The following PIGB variants were observed in gnomAD, a reference collection of about 807,000 sequenced individuals.
The protein encoded by PIGB is phosphatidylinositol glycan anchor biosynthesis class B.
A neutral mutation model predicts 68.4 loss-of-function variants in PIGB; 58 were observed. That is an observed-to-expected ratio of 0.85 (90% CI 0.69 to 1.06). PIGB has a LOEUF of 1.06. Ranked by LOEUF, PIGB falls within the 50% of genes least tolerant of loss-of-function variation. The pLI is 0.00. For synonymous variants in PIGB, 219 were observed against 220.5 expected, an observed-to-expected ratio of 0.99 and a Z score of 0.06; for missense variants, 634 against 655.8, an observed-to-expected ratio of 0.97 and a Z score of 0.36.
At chr15:55,350,268 A>G (rs1220817796) in intron 9 of PIGB, 3 of 162,390 alleles carry the variant, frequency 1.8e-5, no homozygotes, top group African/African-American at 7.2e-5. Flanking sequence ...ACACTAAAAT[A>G]CCAATTATTA....
Position 55,327,540 on chromosome 15 carries a change from C to G in PIGB, c.427C>G (p.Pro143Ala). The G allele has an allele frequency of 6.2e-7, 1 of 1,603,870 alleles. No homozygotes were observed. The highest frequency in any genetic ancestry group is 8.5e-7 in the Non-Finnish European group (1 of 1,173,854). Residue 143 changes from proline to alanine, a missense_variant, in exon 4 of 12, where the codon CCT becomes GCT. Transcript: ENST00000164305. ...TTTTTAACTGATGAAGATTTGGATT[C>G]CTAGACTTGCCCAAGCACTTCTGTC... ...KDSVQLLIWI[P>A]RLAQALLSAV...
intron 6 of PIGB, among the ~76,000 whole-genome samples, chr15:55,336,074 C>T (rs1439050785): frequency 6.6e-6 from 1 of 152,168 alleles, no homozygotes; most frequent in Non-Finnish European, 1.5e-5. Context: ...CTCCTTGACT[C>T]AGGGTTACAT....
intron 10 of PIGB, among the ~76,000 whole-genome samples, chr15:55,352,613 CCT>C (rs1475254538): frequency 2.0e-5 from 3 of 152,086 alleles, no homozygotes; most frequent in Non-Finnish European, 2.9e-5. Context: ...ATGGTGAACC[CCT>C]GACTCTACTA....
intron 6 of PIGB, among the ~76,000 whole-genome samples, chr15:55,334,685 C>T (rs1364844825): frequency 3.9e-5 from 6 of 152,076 alleles, no homozygotes; most frequent in African/African-American, 9.7e-5. Flanking sequence ...ATTATATTAC[C>T]GTATTTTAGT....
chr15:55,330,658 G>A (rs1415507295), intron 5 of PIGB, among the ~76,000 whole-genome samples: 1 of 152,190 alleles, frequency 6.6e-6, no homozygotes, highest in Non-Finnish European at 1.5e-5. Context: ...GTAGGTAATA[G>A]GGAACCATTT....
rs377161481 is a variant in PIGB, at chr15:55,354,839, C to G, written c.1379C>G (p.Pro460Arg). 1 of 1,613,606 alleles carries G rather than the reference C, an allele frequency of 6.2e-7. No individual in the cohort carries two copies. Among genetic ancestry groups the G allele is most frequent in the South Asian group, 1.1e-5 (1 of 90,986 alleles). The change falls in exon 11 of 12, where the codon CCG becomes CGG. Residue 460 changes from proline to arginine, a missense_variant. Transcript: ENST00000164305. ...CPLPMRFLQC[P>R]PDLTGKSHYL... is the part of the protein sequence containing the mutation. Reference sequence around the variant, plus strand: ...CTTCCCATGAGATTTCTCCAGTGCCCGCCAGACCTGACTGGAAAAAGTCAT... The same window carrying G: ...CTTCCCATGAGATTTCTCCAGTGCCGGCCAGACCTGACTGGAAAAAGTCAT...
chr15:55,355,144 A>C lies in PIGB; in HGVS notation c.1519-142A>C, dbSNP rs1595813097. On this transcript the variant is annotated intron_variant, in intron 11 of 11. Coordinates refer to ENST00000164305, the MANE Select transcript of PIGB (RefSeq NM_004855.5). ...ATTAGCCCCAGTTCTGTAACTATCA[A>C]AGTATTTTACTTCCTATAAGTTAAT... The C allele has an allele frequency of 1.1e-5, 10 of 877,172 alleles. No individual in the cohort carries two copies. In the East Asian group the frequency reaches 2.6e-4, roughly 23 times the overall value. 54.3% of individuals were successfully genotyped at this position (877,172 alleles called of 1,614,324 possible).
At chr15:55,348,647 C>T (rs2055857560) in intron 9 of PIGB, among the ~76,000 whole-genome samples, 1 of 152,176 alleles carries the variant, frequency 6.6e-6, no homozygotes, top group Non-Finnish European at 1.5e-5. Context: ...GTGATCTCTG[C>T]ACAAACTGAC....
chr15:55,347,578 G>A (rs1207110300), intron 9 of PIGB, among the ~76,000 whole-genome samples: 1 of 152,134 alleles, frequency 6.6e-6, no homozygotes, highest in Non-Finnish European at 1.5e-5. Context: ...AAGCTCATCG[G>A]ATCCATAATA....
At chr15:55,335,035 G>A (rs533813032) in intron 6 of PIGB, among the ~76,000 whole-genome samples, 1 of 152,274 alleles carries the variant, frequency 6.6e-6, no homozygotes, top group South Asian at 2.1e-4. Flanking sequence ...GCTATAGTTA[G>A]ATACACAGAT....
intron 1 of PIGB, 120 bp downstream of exon 1, chr15:55,319,533 C>A: frequency 1.5e-6 from 1 of 660,594 alleles, no homozygotes; most frequent in Non-Finnish European, 2.5e-6. Flanking sequence ...TTTTGAAATG[C>A]TGGGAAATGC....
At position 55,344,956 on chromosome 15, in the gene PIGB, C is replaced by T. The variant is rs1057062302; in HGVS notation, c.1123+3154C>T. The stretch of plus-strand genomic sequence containing the variant: ...TGTCGCCCATGCTGGAGTGCAGTGG[C>T]GCAATCTCAGCTCACTACAACCTCC... On this transcript the variant is annotated intron_variant, in intron 9 of 11. Transcript: ENST00000164305. Among the ~76,000 whole-genome samples the T allele has an allele frequency of 4.3e-5, 6 of 139,484 alleles. No homozygotes were observed. In the East Asian group the frequency reaches 6.4e-4, roughly 15 times the overall value. The allele number at this position is 139,484 out of a possible 152,430, so 91.5% of individuals were successfully genotyped here. A position where few individuals can be genotyped will look rare whatever the true frequency, so the allele number is the denominator to read the frequency against.
intron 9 of PIGB, among the ~76,000 whole-genome samples, chr15:55,347,711 T>C (rs1363575395): frequency 2.6e-5 from 4 of 152,208 alleles, no homozygotes; most frequent in African/African-American, 7.2e-5. Flanking sequence ...ATTTTCTTTA[T>C]ATTACTTCTC....
At chr15:55,354,730 A>C (rs1303845244) in intron 10 of PIGB, 68 bp from the exon 11 acceptor site, 3 of 1,228,648 alleles carry the variant, frequency 2.4e-6, no homozygotes, top group Non-Finnish European at 1.1e-6. Flanking sequence ...TATAAATGAC[A>C]TATCTTAAGA....
intron 9 of PIGB, among the ~76,000 whole-genome samples, chr15:55,348,160 T>A (rs958022639): frequency 6.6e-6 from 1 of 152,132 alleles, no homozygotes; most frequent in Admixed American, 6.5e-5. Context: ...CTAATTTTTG[T>A]ATTTTTAGTA....
At chr15:55,340,391 G>A (rs905850646) in intron 7 of PIGB, 6 of 256,746 alleles carry the variant, frequency 2.3e-5, no homozygotes, top group Non-Finnish European at 3.7e-5. Context: ...GCGAGGCGGA[G>A]CTTGCAGTGA....
At position 55,333,963 on chromosome 15, in the gene PIGB, A is replaced by T. The variant is rs774988196; in HGVS notation, c.750A>T (p.Glu250Asp). 6.2e-7 allele frequency: 1 copy of T among 1,607,604 alleles called. No homozygotes were observed. ...TGCTCTTCAGACATTTCTGTCAAGA[A>T]CCAAGAAAGCTTGATCTTATTCTAC... The part of the protein sequence containing the change: ...TPLLFRHFCQ[E>D]PRKLDLILHH... The change falls in exon 6 of 12, where the codon GAA (glutamate) becomes GAT (aspartate). Residue 250 changes from glutamate to aspartate, a missense_variant. Transcript: ENST00000164305.
At chr15:55,331,134 G>GT (rs1331675577) in intron 5 of PIGB, among the ~76,000 whole-genome samples, 1 of 152,160 alleles carries the variant, frequency 6.6e-6, no homozygotes, top group East Asian at 1.9e-4. Flanking sequence ...CTCCACTTCT[G>GT]TTTTTGCTAG....
At chr15:55,354,656 A>G in intron 10 of PIGB, 142 bp from the exon 11 acceptor site, 1 of 634,940 alleles carries the variant, frequency 1.6e-6, no homozygotes, top group African/African-American at 1.9e-5. Context: ...AAAATGAGTT[A>G]AAGGCTTGCT....
Sources: gnomAD v4.1 joint callset for allele counts (sites outside exome capture counted in the v4.1 genomes callset) on GRCh38, gnomAD v4.1.1 for gene constraint, MANE v1.5 for transcripts, NCBI Gene and HGNC (gene_info 2026-07-23, HGNC 2026-07-21) for gene names.